Variants in PIP5K1C observed in about 807,000 individuals in gnomAD.
The protein encoded by PIP5K1C is phosphatidylinositol 4-phosphate 5-kinase type-1 gamma.
Under a neutral mutation model 80.1 loss-of-function variants are expected in PIP5K1C, and 45 were observed. The ratio of observed to expected loss-of-function variants is 0.56; its 90% CI spans 0.44 to 0.72. The LOEUF (loss-of-function observed/expected upper bound fraction) is 0.72, where lower values mean the gene tolerates loss of function less well. Among genes scored for constraint, PIP5K1C ranks in the 30% least tolerant of loss-of-function variants. The pLI, the probability that PIP5K1C is intolerant of heterozygous loss-of-function variation, is 0.00. For synonymous variants in PIP5K1C, 498 were observed against 420.1 expected (o/e 1.19, Z -2.27); for missense variants, 753 against 954.6 (o/e 0.79, Z 2.78).
chr19:3,694,198 C>A (rs1176974053), intron 1 of PIP5K1C, among the ~76,000 whole-genome samples: 1 of 141,754 alleles, frequency 7.1e-6, no homozygotes, highest in Non-Finnish European at 1.5e-5. Context: ...GGCGAGACAG[C>A]GAGACTCCAT....
At chr19:3,643,460 TC>T in intron 12 of PIP5K1C, 79 bp from the exon 13 acceptor site, 1 of 1,572,420 alleles carries the variant, frequency 6.4e-7, no homozygotes, top group Non-Finnish European at 8.7e-7. Flanking sequence ...GAGGCTTGGC[TC>T]ACCCTGGGAA....
intron 15 of PIP5K1C, among the ~76,000 whole-genome samples, chr19:3,641,247 AAAATT>A (rs1235820924): frequency 6.6e-6 from 1 of 152,082 alleles, no homozygotes; most frequent in African/African-American, 2.4e-5. Flanking sequence ...AAAATAAAAT[AAAATT>A]AAATTAATAA....
In PIP5K1C at chr19:3,641,696, C is replaced by T. The variant is rs551346350; in HGVS notation, c.1787+9G>A. On this transcript the variant is annotated intron_variant, in intron 15 of 17. Coordinates refer to ENST00000335312, the MANE Select transcript of PIP5K1C (RefSeq NM_012398.3). Reference sequence around the variant, plus strand: ...GGGCGCCCCGACCTCCCGCCGAGGCCGTGCTCACCCTGCGTCCTCCTCTTT... The same window carrying T: ...GGGCGCCCCGACCTCCCGCCGAGGCTGTGCTCACCCTGCGTCCTCCTCTTT... The T allele has an allele frequency of 1.7e-5, 28 of 1,603,366 alleles. No homozygotes were observed. The highest frequency in any genetic ancestry group is 1.0e-4 in the Admixed American group (6 of 60,018).
rs547477667 is a variant in PIP5K1C at position 3,635,182 on chromosome 19, C to T, written c.1921-1662G>A. 1.2e-3 allele frequency among the ~76,000 whole-genome samples: 185 copies of T among 152,386 alleles called. 1 individual carries two copies. The highest frequency in any genetic ancestry group is 4.4e-3 in the African/African-American group (181 of 41,596). On this transcript the variant is annotated intron_variant, in intron 16 of 17. Coordinates refer to ENST00000335312, the MANE Select transcript of PIP5K1C (RefSeq NM_012398.3). ...GCAGCAGCCACCTCAGAGCCGCTCT[C>T]TGGGAGGGGCATCCCGGGCACACAC...
chr19:3,641,951 T>G, intron 14 of PIP5K1C, 142 bp from the exon 15 acceptor site: 1 of 717,552 alleles, frequency 1.4e-6, no homozygotes, highest in Admixed American at 2.0e-5. Context: ...TGGCTGTCAC[T>G]CCCAGCCCGG....
chr19:3,700,324 A>ACGCCGCCTCCGAGGGCACGGC lies in PIP5K1C; in HGVS notation c.46_66dup (p.Ala16_Ala22dup). The ACGCCGCCTCCGAGGGCACGGC allele has an allele frequency of 7.7e-7, 1 of 1,293,226 alleles. No homozygotes were observed. Among genetic ancestry groups the ACGCCGCCTCCGAGGGCACGGC allele is most frequent in the South Asian group, 1.5e-5 (1 of 65,858 alleles). The allele number at this position is 1,293,226 out of a possible 1,614,324, so 80.1% of individuals were successfully genotyped here. Reference sequence around the variant, plus strand: ...GCCGCCGCCCCGCTCTCTGCCGCCCACGCCGCCTCCGAGGGCACGGCCCCC... The same window carrying ACGCCGCCTCCGAGGGCACGGC: ...GCCGCCGCCCCGCTCTCTGCCGCCCACGCCGCCTCCGAGGGCACGGCCGCCGCCTCCGAGGGCACGGCCCCC... On this transcript the variant is annotated inframe_insertion, in exon 1 of 18. Transcript: ENST00000335312.
chr19:3,691,175 G>A (rs1259942760), intron 1 of PIP5K1C, among the ~76,000 whole-genome samples: 1 of 152,240 alleles, frequency 6.6e-6, no homozygotes, highest in Non-Finnish European at 1.5e-5. Context: ...AATATACGCT[G>A]CAATGACGCA....
chr19:3,654,119 A>G (rs529343669), intron 6 of PIP5K1C, among the ~76,000 whole-genome samples: 2 of 152,260 alleles, frequency 1.3e-5, no homozygotes, highest in East Asian at 3.9e-4. Context: ...CTCCCACCTC[A>G]GCCTCCGAAA....
chr19:3,682,236 T>C lies in PIP5K1C; in HGVS notation c.95-14883A>G, dbSNP rs779476639. Among the ~76,000 whole-genome samples the C allele has an allele frequency of 3.3e-5, 5 of 151,860 alleles. No individual in the cohort carries two copies. In the East Asian group the frequency reaches 7.7e-4, roughly 23 times the overall value. On this transcript the variant is annotated intron_variant, in intron 1 of 17. Coordinates refer to ENST00000335312, the MANE Select transcript of PIP5K1C (RefSeq NM_012398.3). ...TAAAAATACAAACATTAGCCAGGCA[T>C]GGGGGTGCGCGCCTGTAATCCCGGC...
chr19:3,651,533 CTA>C (rs1338702100), intron 8 of PIP5K1C, among the ~76,000 whole-genome samples: 12 of 152,226 alleles, frequency 7.9e-5, no homozygotes, highest in African/African-American at 2.7e-4. Context: ...CCGGGAAACG[CTA>C]TCTCTCTCTC....
chr19:3,675,841 G>GGC (rs1474662793), intron 1 of PIP5K1C, among the ~76,000 whole-genome samples: 3 of 152,330 alleles, frequency 2.0e-5, no homozygotes, highest in Non-Finnish European at 2.9e-5. Flanking sequence ...CCATGCCAGG[G>GGC]GCACCCCCCA....
intron 16 of PIP5K1C, chr19:3,636,351 G>A (rs941244211): frequency 1.0e-6 from 1 of 977,548 alleles, no homozygotes; most frequent in African/African-American, 1.8e-5. Context: ...CTCAGGCCTT[G>A]GGGTGCTTTC....
At position 3,700,391 on chromosome 19, in the gene PIP5K1C, G is replaced by C. The variant is rs902885377; in HGVS notation, c.-1C>G. ...CCTCGTCCGGTACCTCCAGCTCCAT[G>C]GCCGCGCGCGGACGGCGGCGGGGGC... On this transcript the variant is annotated 5_prime_UTR_variant, in exon 1 of 18. Coordinates refer to ENST00000335312, the MANE Select transcript of PIP5K1C (RefSeq NM_012398.3). 3.6e-5 allele frequency: 41 copies of C among 1,142,518 alleles called. No homozygotes were observed. The highest frequency in any genetic ancestry group is 4.1e-5 in the Non-Finnish European group (38 of 926,386). The allele number at this position is 1,142,518 out of a possible 1,614,324, so 70.8% of individuals were successfully genotyped here.
At chr19:3,694,211 C>CAAAAAAAAAAAA (rs1175485721) in intron 1 of PIP5K1C, among the ~76,000 whole-genome samples, 2 of 57,498 alleles carry the variant, frequency 3.5e-5, no homozygotes, top group African/African-American at 1.3e-4. Context: ...GACTCCATCT[C>CAAAAAAAAAAAA]AAAAAAAAAA....
chr19:3,653,476 C>A lies in PIP5K1C; in HGVS notation c.735G>T (p.Val245=), dbSNP rs997075958. 3.7e-6 allele frequency: 6 copies of A among 1,613,750 alleles called. No individual in the cohort carries two copies. In the African/African-American group the frequency reaches 6.7e-5, roughly 18 times the overall value. Residue 245 remains valine (V), a synonymous_variant, in exon 7 of 18, where the codon GTG becomes GTT. Transcript: ENST00000335312. ...GGTCGAACTTGAGGTGCATCTTGAC[C>A]ACGCGGGGCAGGATGTTGTTCATGA... ...VVVMNNILPR[V]VKMHLKFDLK... is the part of the protein sequence containing the mutation.
rs1255545248 is a variant in PIP5K1C at position 3,700,414 on chromosome 19, G to C, written c.-24C>G. On this transcript the variant is annotated 5_prime_UTR_variant, in exon 1 of 18. Coordinates refer to ENST00000335312, the MANE Select transcript of PIP5K1C (RefSeq NM_012398.3). The stretch of plus-strand genomic sequence containing the variant: ...ATGGCCGCGCGCGGACGGCGGCGGG[G>C]GCGCCCGAGGGGGACCCGAGCTGCG... The C allele has an allele frequency of 1.9e-6, 2 of 1,077,072 alleles. No individual in the cohort carries two copies. The highest frequency in any genetic ancestry group is 5.2e-5 in the Admixed American group (1 of 19,406). The allele number at this position is 1,077,072 out of a possible 1,614,324, so 66.7% of individuals were successfully genotyped here. A position where few individuals can be genotyped will look rare whatever the true frequency, so the allele number is the denominator to read the frequency against.
rs757325049 is a variant in PIP5K1C at position 3,633,147 on chromosome 19, G to A, written c.*20C>T. 1 of 764,044 alleles carries A rather than the reference G, an allele frequency of 1.3e-6. No individual in the cohort carries two copies. 47.3% of individuals were successfully genotyped at this position (764,044 alleles called of 1,614,324 possible). On this transcript the variant is annotated 3_prime_UTR_variant, in exon 18 of 18. Coordinates refer to ENST00000335312, the MANE Select transcript of PIP5K1C (RefSeq NM_012398.3). ...GGAGCAGAAGTGGAGCTCGGCTCTG[G>A]GTCGGGGGCTGCATAGAAATTACTG...
chr19:3,678,492 C>T (rs1396330715), intron 1 of PIP5K1C, among the ~76,000 whole-genome samples: 1 of 38,934 alleles, frequency 2.6e-5, no homozygotes, highest in Non-Finnish European at 4.9e-5. Flanking sequence ...GGGATGGAGG[C>T]AAGGAGGATG....
chr19:3,676,012 G>A (rs192025583), intron 1 of PIP5K1C, among the ~76,000 whole-genome samples: 6 of 152,332 alleles, frequency 3.9e-5, no homozygotes, highest in African/African-American at 1.4e-4. Flanking sequence ...TGCCGACCAA[G>A]CTCTCCCCAC....
Sources: gnomAD v4.1 joint callset for allele counts (sites outside exome capture counted in the v4.1 genomes callset) on GRCh38, gnomAD v4.1.1 for gene constraint, MANE v1.5 for transcripts, NCBI Gene and HGNC (gene_info 2026-07-23, HGNC 2026-07-21) for gene names.